Variants in SPEG observed in about 807,000 individuals in gnomAD.
SPEG encodes striated muscle preferentially expressed protein kinase.
A neutral mutation model predicts 300.4 loss-of-function variants in SPEG; 114 were observed. That is an observed-to-expected ratio of 0.38 (90% CI 0.33 to 0.44). The LOEUF (loss-of-function observed/expected upper bound fraction) is 0.44, where lower values mean the gene tolerates loss of function less well. SPEG is among the 20% of genes least tolerant of loss of function. SPEG has a pLI of 1.00. For missense variants in SPEG, 4,201 were observed against 4,586.2 expected (o/e 0.92, Z 2.43); for synonymous variants, 1,964 against 2,018.9 (o/e 0.97, Z 0.73).
At chr2:219,442,150 C>A (rs1688965858) in intron 1 of SPEG, 7 of 1,030,538 alleles carry the variant, frequency 6.8e-6, no homozygotes, top group Non-Finnish European at 8.6e-6. Context: ...GGAGGGAGGG[C>A]GGGTCACCGC....
chr2:219,467,314 C>T lies in SPEG; in HGVS notation c.3022C>T (p.Leu1008=), dbSNP rs965926854. The change falls in exon 10 of 41, where the codon CTG becomes TTG. Residue 1008 remains leucine (L), a synonymous_variant. Transcript: ENST00000312358. ...EVDWLCRGRL[L]QPALLKCKMH... is the part of the protein sequence containing the mutation. ...GGATTGGCTGTGCCGTGGCCGCCTG[C>T]TGCAGCCTGCACTGCTCAAATGCAA... is the stretch of plus-strand genomic sequence containing the variant. The T allele has an allele frequency of 2.2e-5, 36 of 1,611,258 alleles. No individual in the cohort carries two copies. Among genetic ancestry groups the T allele is most frequent in the Non-Finnish European group, 2.8e-5 (33 of 1,179,884 alleles).
At chr2:219,486,669 G>A (rs1334372266) in intron 31 of SPEG, among the ~76,000 whole-genome samples, 5 of 152,072 alleles carry the variant, frequency 3.3e-5, no homozygotes, top group South Asian at 2.1e-4. Flanking sequence ...TACCTCATCC[G>A]CTCCCCGTTC....
chr2:219,470,649 A>T (rs577665811), intron 13 of SPEG, among the ~76,000 whole-genome samples: 8 of 152,336 alleles, frequency 5.3e-5, no homozygotes, highest in South Asian at 2.1e-4. Context: ...GACAGCCCTG[A>T]CATGAAGGAG....
intron 9 of SPEG, chr2:219,465,791 GCGTGCC>G: frequency 1.7e-6 from 1 of 580,622 alleles, no homozygotes; most frequent in Non-Finnish European, 3.1e-6. Context: ...AGCCAGGTCT[GCGTGCC>G]TGTGCGTGCA....
chr2:219,487,822 A>C (rs1350344695), intron 31 of SPEG, among the ~76,000 whole-genome samples: 1 of 152,252 alleles, frequency 6.6e-6, no homozygotes, highest in African/African-American at 2.4e-5. Flanking sequence ...TAGGTCTTGC[A>C]GGATCTTAAC....
At position 219,483,844 on chromosome 2, in the gene SPEG, GAGC is replaced by G; in HGVS notation, c.6388_6390del (p.Ser2130del). On this transcript the variant is annotated inframe_deletion, in exon 30 of 41. Coordinates refer to ENST00000312358, the MANE Select transcript of SPEG (RefSeq NM_005876.5). ...CACTCGAGAACCGGGGCCTGCAAAA[GAGC>G]AGCAGCTTCTCCCAGGGTGAGGCGG... is the stretch of plus-strand genomic sequence containing the variant. 1 of 1,590,008 alleles carries G rather than the reference GAGC, an allele frequency of 6.3e-7. No homozygotes were observed. The highest frequency in any genetic ancestry group is 8.5e-7 in the Non-Finnish European group (1 of 1,173,968).
At position 219,489,600 on chromosome 2, in the gene SPEG, C is replaced by T. The variant is rs772618377; in HGVS notation, c.8582C>T (p.Thr2861Ile). The T allele has an allele frequency of 2.5e-6, 4 of 1,613,750 alleles. No homozygotes were observed. Among genetic ancestry groups the T allele is most frequent in the South Asian group, 1.1e-5 (1 of 91,084 alleles). ...GLQAARPAEP[T>I]LPSTHVTPSE... The stretch of plus-strand genomic sequence containing the variant: ...CAGGCTGCCCGGCCAGCGGAGCCCA[C>T]CCTACCCAGTACCCACGTCACCCCA... Residue 2861 changes from threonine (T) to isoleucine (I), a missense_variant, in exon 36 of 41, where the codon ACC (threonine) becomes ATC (isoleucine). By Grantham distance (89) the Thr-to-Ile change is moderately conservative. Around this residue, in one of 4 missense-constraint regions of SPEG, gnomAD observed 1,578 missense variants for 1,506.0 expected, o/e 1.05. Transcript: ENST00000312358.
chr2:219,460,207 AG>A (rs1690540450), intron 6 of SPEG: 1 of 700,428 alleles, frequency 1.4e-6, no homozygotes, highest in Non-Finnish European at 1.8e-6. Flanking sequence ...CTTCCATGGC[AG>A]GGATGAGGGG....
At chr2:219,475,259 A>T (rs190916040) in intron 18 of SPEG, among the ~76,000 whole-genome samples, 148 of 152,334 alleles carry the variant, frequency 9.7e-4, no homozygotes, top group Non-Finnish European at 2.0e-3. Context: ...CCTGCTGAGT[A>T]AATACAATTC....
Position 219,448,757 on chromosome 2 carries a change from C to G in SPEG, c.1599C>G (p.Pro533=). 6.8e-7 allele frequency: 1 copy of G among 1,464,782 alleles called. No individual in the cohort carries two copies. Among genetic ancestry groups the G allele is most frequent in the African/African-American group, 1.5e-5 (1 of 67,718 alleles). 90.7% of individuals were successfully genotyped at this position (1,464,782 alleles called of 1,614,324 possible). A position where few individuals can be genotyped will look rare whatever the true frequency, so the allele number is the denominator to read the frequency against. Residue 533 remains proline (P), a synonymous_variant, in exon 4 of 41, where the codon CCC becomes CCG. Transcript: ENST00000312358. ...CATCCCCTCGAGAGCCCGGCGAGCC[C>G]CCGCTCTTCTCTCGGCCCTCCACCC... is the stretch of plus-strand genomic sequence containing the variant. ...RAPSPREPGE[P]PLFSRPSTPK... is the part of the protein sequence containing the mutation.
At position 219,435,164 on chromosome 2, in the gene SPEG, C is replaced by G. The variant is rs530278955; in HGVS notation, c.187C>G (p.Arg63Gly). 1 of 1,471,372 alleles carries G rather than the reference C, an allele frequency of 6.8e-7. No individual in the cohort carries two copies. The highest frequency in any genetic ancestry group is 1.3e-5 in the South Asian group (1 of 75,838). The allele number at this position is 1,471,372 out of a possible 1,614,324, so 91.1% of individuals were successfully genotyped here. The change falls in exon 1 of 41, where the codon CGG becomes GGG. Residue 63 changes from arginine (R) to glycine (G), a missense_variant. Arg to Gly is a moderately radical substitution (Grantham distance 125). Coordinates refer to ENST00000312358, the MANE Select transcript of SPEG (RefSeq NM_005876.5). ...GTGCGCGGGCAGCGACGTGCGGCTG[C>G]GGGTGGTGGTGAGCGGGACGCCCCA... ...AVCAGSDVRL[R>G]VVVSGTPQPS...
chr2:219,462,102 T>C, intron 7 of SPEG, 45 bp downstream of exon 7: 1 of 1,471,656 alleles, frequency 6.8e-7, no homozygotes, highest in South Asian at 1.3e-5. Context: ...GTGCCCCCGT[T>C]CCTTTGGGTG....
intron 1 of SPEG, among the ~76,000 whole-genome samples, chr2:219,442,709 C>T (rs1259249217): frequency 6.7e-6 from 1 of 150,156 alleles, no homozygotes; most frequent in East Asian, 2.0e-4. Context: ...AAGCACCCCG[C>T]CCCCCGCATC....
Position 219,489,063 on chromosome 2 carries a change from T to C in SPEG, c.8159T>C (p.Val2720Ala). Reference sequence around the variant, plus strand: ...CCCATACTGCCTATAGGGGAGTCTGTGTGGCACCCTGTGAGCTCAGGCATC... The same window carrying C: ...CCCATACTGCCTATAGGGGAGTCTGCGTGGCACCCTGTGAGCTCAGGCATC... Reference protein sequence around the residue: ...TLERRVDGESVWHPVSSGIPD... With the variant: ...TLERRVDGESAWHPVSSGIPD... Residue 2720 changes from valine (V) to alanine (A), a missense_variant, in exon 35 of 41, where the codon GTG becomes GCG. Around this residue, in one of 4 missense-constraint regions of SPEG, gnomAD observed 1,578 missense variants for 1,506.0 expected, o/e 1.05. Transcript: ENST00000312358. The C allele has an allele frequency of 6.2e-7, 1 of 1,613,716 alleles. No individual in the cohort carries two copies. Among genetic ancestry groups the C allele is most frequent in the Non-Finnish European group, 8.5e-7 (1 of 1,179,884 alleles).
chr2:219,482,843 G>C lies in SPEG; in HGVS notation c.5625G>C (p.Arg1875=), dbSNP rs778077323. Residue 1875 remains arginine, a synonymous_variant, in exon 29 of 41, where the codon CGG becomes CGC. Transcript: ENST00000312358. Reference sequence around the variant, plus strand: ...ACCTGAAGCTATTCCTCTCCCGGCGGAGGTGGCAGGTAAGTGTGGCAGGCC... The same window carrying C: ...ACCTGAAGCTATTCCTCTCCCGGCGCAGGTGGCAGGTAAGTGTGGCAGGCC... ...TDHLKLFLSR[R]RWQRSQISYK... 4 of 1,613,748 alleles carry C rather than the reference G, an allele frequency of 2.5e-6. No homozygotes were observed. The highest frequency in any genetic ancestry group is 3.4e-6 in the Non-Finnish European group (4 of 1,179,950).
At chr2:219,471,158 C>T (rs183404672) in intron 13 of SPEG, among the ~76,000 whole-genome samples, 13 of 151,576 alleles carry the variant, frequency 8.6e-5, no homozygotes, top group South Asian at 4.2e-4. Context: ...GGGTAGAGAG[C>T]GGGCCAGGGG....
chr2:219,435,509 C>T (rs1279679978), intron 1 of SPEG, 144 bp downstream of exon 1: 1 of 965,368 alleles, frequency 1.0e-6, no homozygotes, highest in African/African-American at 1.7e-5. Flanking sequence ...TGCCCGGCCC[C>T]AGAAGTGAGA....
chr2:219,447,425 G>A (rs1257410537), intron 3 of SPEG, among the ~76,000 whole-genome samples: 1 of 152,182 alleles, frequency 6.6e-6, no homozygotes, highest in African/African-American at 2.4e-5. Context: ...GAATCCTAGG[G>A]ATGGGGCACT....
In SPEG at chr2:219,477,839, G is replaced by A. The variant is rs1185181997; in HGVS notation, c.4826+54G>A. On this transcript the variant is annotated intron_variant, in intron 21 of 40. Coordinates refer to ENST00000312358, the MANE Select transcript of SPEG (RefSeq NM_005876.5). The surrounding 1 kb of genome is among the most constrained non-coding windows in gnomAD (Gnocchi z 6.4). ...GGCCGAGAGAGGCTGCTGGGTCTGA[G>A]GGTTGGGAGGGGTGGAGAGGGCCAC... 21 of 1,596,984 alleles carry A rather than the reference G, an allele frequency of 1.3e-5. No homozygotes were observed. Among genetic ancestry groups the A allele is most frequent in the Non-Finnish European group, 1.8e-5 (21 of 1,167,360 alleles).
Sources: allele counts gnomAD v4.1 joint callset (sites outside exome capture counted in the v4.1 genomes callset), GRCh38; gene constraint gnomAD v4.1.1; regional missense constraint gnomAD v4.1.1; non-coding constraint Gnocchi (gnomAD v3.1); transcripts MANE v1.5; gene names NCBI Gene and HGNC (gene_info 2026-07-23, HGNC 2026-07-21).